ARL15: variants seen among roughly 807,000 people sequenced by gnomAD.
ARL15 encodes ADP-ribosylation factor-like protein 15.
ARL15 carries 19 observed loss-of-function variants against 25.2 expected under a neutral mutation model. That is an observed-to-expected ratio of 0.75 (90% CI 0.53 to 1.10). The LOEUF (loss-of-function observed/expected upper bound fraction) is 1.10. Ranked by LOEUF, ARL15 falls within the 50% of genes least tolerant of loss-of-function variation. ARL15 has a pLI of 0.00. For missense variants in ARL15, 220 were observed against 246.0 expected, an observed-to-expected ratio of 0.89 and a Z score of 0.71; for synonymous variants, 94 against 86.8, an observed-to-expected ratio of 1.08 and a Z score of -0.46.
chr5:54,124,086 A>G (rs1753172050), intron 3 of ARL15, among the ~76,000 whole-genome samples: 1 of 152,190 alleles, frequency 6.6e-6, no homozygotes, highest in Non-Finnish European at 1.5e-5. Context: ...TCTAAATTTT[A>G]TTTAGATTAG....
Position 54,088,001 on chromosome 5 carries a change from C to T in ARL15, c.462+25201G>A, listed in dbSNP as rs567265074. 1.2e-4 allele frequency among the ~76,000 whole-genome samples: 18 copies of T among 152,266 alleles called. No homozygotes were observed. In the South Asian group the frequency reaches 3.7e-3, roughly 32 times the overall value. On this transcript the variant is annotated intron_variant, in intron 4 of 4. Transcript: ENST00000504924. Reference sequence around the variant, plus strand: ...GGCTCCAAATATTAATAAGCATAACCAGGGTACTGTATTTTGGATATTAGC... The same window carrying T: ...GGCTCCAAATATTAATAAGCATAACTAGGGTACTGTATTTTGGATATTAGC...
chr5:54,131,368 T>C (rs1213633546), intron 3 of ARL15, among the ~76,000 whole-genome samples: 1 of 152,198 alleles, frequency 6.6e-6, no homozygotes, highest in East Asian at 1.9e-4. Flanking sequence ...TCTCAACTGC[T>C]GTTGCCTCTG....
intron 4 of ARL15, among the ~76,000 whole-genome samples, chr5:53,907,873 G>A (rs2111967268): frequency 6.6e-6 from 1 of 152,162 alleles, no homozygotes; most frequent in East Asian, 1.9e-4. Flanking sequence ...TCTACACTCA[G>A]TATTTCAGAT....
intron 1 of ARL15, among the ~76,000 whole-genome samples, chr5:54,295,122 T>C (rs1221520960): frequency 6.6e-6 from 1 of 152,246 alleles, no homozygotes; most frequent in African/African-American, 2.4e-5. Flanking sequence ...TTACAAAGAA[T>C]CTGATGTGAA....
At chr5:54,050,308 A>G (rs1183889240) in intron 4 of ARL15, among the ~76,000 whole-genome samples, 1 of 152,234 alleles carries the variant, frequency 6.6e-6, no homozygotes, top group Non-Finnish European at 1.5e-5. Flanking sequence ...GATTAGAATT[A>G]GAGATGAAAT....
intron 3 of ARL15, among the ~76,000 whole-genome samples, chr5:54,129,590 A>G (rs1376561594): frequency 6.6e-6 from 1 of 152,236 alleles, no homozygotes; most frequent in African/African-American, 2.4e-5. Context: ...TTAATGTAGC[A>G]TGCAATAGCC....
intron 4 of ARL15, among the ~76,000 whole-genome samples, chr5:53,954,078 A>G (rs1457270889): frequency 6.9e-6 from 1 of 144,320 alleles, no homozygotes; most frequent in Non-Finnish European, 1.5e-5. Flanking sequence ...CATACAAGCT[A>G]TTTCTCATCT....
In ARL15 at chr5:53,885,214, T is replaced by G. The variant is rs1054295428; in HGVS notation, c.*1347A>C. The G allele has an allele frequency of 8.0e-6, 1 of 125,482 alleles. No individual in the cohort carries two copies. The highest frequency in any genetic ancestry group is 2.6e-5 in the African/African-American group (1 of 38,028). The allele number at this position is 125,482 out of a possible 1,614,324, so 7.8% of individuals were successfully genotyped here. On this transcript the variant is annotated 3_prime_UTR_variant, in exon 5 of 5. Transcript: ENST00000504924. ...TTTTACACTCATGTGCAGGGAGCAG[T>G]TTTTTTTATCATTTGGCCACTTAGT... is the stretch of plus-strand genomic sequence containing the variant.
chr5:54,212,383 C>G (rs1327346432), intron 1 of ARL15, among the ~76,000 whole-genome samples: 2 of 151,998 alleles, frequency 1.3e-5, no homozygotes, highest in Non-Finnish European at 2.9e-5. Context: ...GGGAAAAGGC[C>G]ACATCTGTCC....
intron 1 of ARL15, among the ~76,000 whole-genome samples, chr5:54,185,076 AC>A (rs1755199534): frequency 2.6e-5 from 4 of 152,136 alleles, no homozygotes. Context: ...TGTTATGGGG[AC>A]CACAGGAAAT....
chr5:54,146,048 A>G (rs559506634), intron 3 of ARL15, among the ~76,000 whole-genome samples: 4 of 152,312 alleles, frequency 2.6e-5, no homozygotes, highest in Non-Finnish European at 4.4e-5. Context: ...GTCTTGTTAC[A>G]GGACTTACCA....
chr5:53,919,621 C>T (rs959368575), intron 4 of ARL15, among the ~76,000 whole-genome samples: 1 of 151,698 alleles, frequency 6.6e-6, no homozygotes, highest in Non-Finnish European at 1.5e-5. Context: ...ATAAACAGCT[C>T]GGATTAAGGT....
Position 54,091,883 on chromosome 5 carries a change from G to A in ARL15, c.462+21319C>T, listed in dbSNP as rs533396809. 2.1e-3 allele frequency among the ~76,000 whole-genome samples: 327 copies of A among 152,296 alleles called. 4 individuals carry two copies. Among genetic ancestry groups the A allele is most frequent in the African/African-American group, 7.5e-3 (311 of 41,584 alleles). On this transcript the variant is annotated intron_variant, in intron 4 of 4. Coordinates refer to ENST00000504924, the MANE Select transcript of ARL15 (RefSeq NM_019087.3). ...CTGATGGGGTATACCATAGAGGGCG[G>A]AGAGTGGCAGGGAATGGTGCCAGCC...
chr5:54,128,583 C>A (rs1753331493), intron 3 of ARL15, among the ~76,000 whole-genome samples: 1 of 152,142 alleles, frequency 6.6e-6, no homozygotes, highest in African/African-American at 2.4e-5. Context: ...TGACCCCTGC[C>A]TGACTCATGA....
intron 3 of ARL15, among the ~76,000 whole-genome samples, chr5:54,125,915 C>G (rs946919215): frequency 6.6e-6 from 1 of 151,996 alleles, no homozygotes; most frequent in African/African-American, 2.4e-5. Context: ...CTCATGATTC[C>G]CCCAGTCAAT....
intron 1 of ARL15, among the ~76,000 whole-genome samples, chr5:54,220,274 C>T (rs1436294166): frequency 6.6e-6 from 1 of 152,130 alleles, no homozygotes; most frequent in African/African-American, 2.4e-5. Flanking sequence ...AAAAATTGAC[C>T]TAGCATATGA....
intron 1 of ARL15, among the ~76,000 whole-genome samples, chr5:54,291,371 C>G (rs1379989634): frequency 6.6e-6 from 1 of 152,216 alleles, no homozygotes; most frequent in Admixed American, 6.5e-5. Context: ...ATGTAACCTA[C>G]ACATATCCAC....
intron 4 of ARL15, among the ~76,000 whole-genome samples, chr5:54,011,050 T>C (rs1057234069): frequency 6.6e-6 from 1 of 151,062 alleles, no homozygotes; most frequent in African/African-American, 2.4e-5. Flanking sequence ...AAGAAGTCCT[T>C]AGTGAAGTGA....
intron 4 of ARL15, among the ~76,000 whole-genome samples, chr5:53,936,646 C>G (rs529955871): frequency 6.6e-6 from 1 of 152,334 alleles, no homozygotes; most frequent in East Asian, 1.9e-4. Flanking sequence ...CTGATAGCTG[C>G]TCTTGCCATT....
Sources: allele counts gnomAD v4.1 joint callset (sites outside exome capture counted in the v4.1 genomes callset), GRCh38; gene constraint gnomAD v4.1.1; transcripts MANE v1.5; gene names NCBI Gene and HGNC (gene_info 2026-07-23, HGNC 2026-07-21).